The following NKD2 variants were observed in gnomAD, a reference collection of about 807,000 sequenced individuals.
NKD2 encodes protein naked cuticle homolog 2.
NKD2 carries 43 observed loss-of-function variants against 34.8 expected under a neutral mutation model. The observed-to-expected ratio is 1.24, with a 90% confidence interval of 0.97 to 1.60. NKD2 has a LOEUF of 1.60. NKD2 is among the 40% of genes most tolerant of loss of function. The pLI is 0.00. For missense variants in NKD2, 675 were observed against 627.1 expected, an observed-to-expected ratio of 1.08 and a Z score of -0.82; for synonymous variants, 278 against 265.1, an observed-to-expected ratio of 1.05 and a Z score of -0.47.
At chr5:1,036,967 G>A (rs985924163) in intron 9 of NKD2, 1 of 358,136 alleles carries the variant, frequency 2.8e-6, no homozygotes, top group East Asian at 1.2e-4. Flanking sequence ...ACGGCGGGCA[G>A]TGTGGACAGC....
At chr5:1,034,056 G>A in intron 5 of NKD2, 179 bp from the exon 6 acceptor site, 1 of 601,842 alleles carries the variant, frequency 1.7e-6, no homozygotes, top group South Asian at 2.0e-5. Context: ...CTGGAGCTGG[G>A]CAAGAAGGGG....
intron 3 of NKD2, among the ~76,000 whole-genome samples, chr5:1,017,251 C>T (rs1755996424): frequency 6.6e-6 from 1 of 152,158 alleles, no homozygotes; most frequent in Admixed American, 6.5e-5. Context: ...TCAGAGGGAC[C>T]CCATGTCCCT....
rs909178429 is a variant in NKD2 at position 1,008,859 on chromosome 5, C to T, written c.-199C>T. The T allele has an allele frequency of 1.3e-4, 44 of 345,066 alleles. No homozygotes were observed. Among genetic ancestry groups the T allele is most frequent in the Middle Eastern group, 7.6e-4 (1 of 1,316 alleles). The allele number at this position is 345,066 out of a possible 1,614,324, so 21.4% of individuals were successfully genotyped here. A position where few individuals can be genotyped will look rare whatever the true frequency, so the allele number is the denominator to read the frequency against. ...TGTCCCCGCGCCCTGCGCCCGGTGG[C>T]CCCCCACCTCCGCCCCGCGGCCGTA... is the stretch of plus-strand genomic sequence containing the variant. On this transcript the variant is annotated 5_prime_UTR_variant, in exon 1 of 10. Transcript: ENST00000296849.
At chr5:1,026,172 T>C (rs141883144) in intron 3 of NKD2, among the ~76,000 whole-genome samples, 3 of 18,828 alleles carry the variant, frequency 1.6e-4, no homozygotes, top group Admixed American at 7.0e-4. Context: ...GTCCCAGCCC[T>C]TTGTCCCTGC....
chr5:1,032,820 A>G (rs1376050669), intron 4 of NKD2, among the ~76,000 whole-genome samples: 1 of 152,208 alleles, frequency 6.6e-6, no homozygotes, highest in Non-Finnish European at 1.5e-5. Context: ...CTGAGCCCGG[A>G]CAGTCCCACA....
intron 3 of NKD2, among the ~76,000 whole-genome samples, chr5:1,025,741 G>T (rs1383166511): frequency 1.4e-3 from 63 of 45,508 alleles, no homozygotes; most frequent in Middle Eastern, 0.04. Context: ...CTTCCCACCC[G>T]CTGTGGGCGT....
chr5:1,030,458 C>T (rs1165478559), intron 3 of NKD2, among the ~76,000 whole-genome samples: 7 of 152,222 alleles, frequency 4.6e-5, no homozygotes, highest in African/African-American at 1.7e-4. Flanking sequence ...ATTCTGTGCC[C>T]ATGGGGGCTG....
At chr5:1,016,690 A>G (rs536788029) in intron 3 of NKD2, among the ~76,000 whole-genome samples, 1 of 152,334 alleles carries the variant, frequency 6.6e-6, no homozygotes, top group African/African-American at 2.4e-5. Flanking sequence ...AGGACCCTCC[A>G]GGGCTCCCAC....
chr5:1,016,157 G>A (rs1338045326), intron 3 of NKD2, among the ~76,000 whole-genome samples: 3 of 152,234 alleles, frequency 2.0e-5, no homozygotes, highest in African/African-American at 7.2e-5. Context: ...TGGCCTGGAG[G>A]GACACACGGT....
intron 3 of NKD2, among the ~76,000 whole-genome samples, chr5:1,012,652 G>A (rs927915952): frequency 1.3e-5 from 2 of 152,260 alleles, no homozygotes; most frequent in Non-Finnish European, 2.9e-5. Flanking sequence ...CCTTGCTCAC[G>A]GGAACTGGGC....
At chr5:1,037,722 C>T (rs962171087) in intron 9 of NKD2, 83 bp from the exon 10 acceptor site, 2 of 1,564,560 alleles carry the variant, frequency 1.3e-6, no homozygotes, top group Non-Finnish European at 1.7e-6. Context: ...CGCAGCTCTT[C>T]CAGTGGGCCC....
intron 3 of NKD2, among the ~76,000 whole-genome samples, chr5:1,021,746 T>C (rs1235955369): frequency 1.3e-5 from 2 of 152,026 alleles, no homozygotes; most frequent in Non-Finnish European, 2.9e-5. Context: ...CACCTCCTTG[T>C]AAGAAAACAC....
At chr5:1,036,496 CCCCCCAA>C in intron 9 of NKD2, 112 bp downstream of exon 9, 1 of 560,586 alleles carries the variant, frequency 1.8e-6, no homozygotes, top group South Asian at 2.1e-5. Context: ...TGCCCCGCCC[CCCCCCAA>C]CCCCCCCCAC....
intron 6 of NKD2, 27 bp downstream of exon 6, chr5:1,034,357 T>C (rs1448548300): frequency 6.4e-7 from 1 of 1,561,906 alleles, no homozygotes. Flanking sequence ...TTGCGTCAGG[T>C]CCACAGTAGT....
In NKD2 at chr5:1,008,962, G is replaced by A; in HGVS notation, c.-96G>A. ...TCACCTCCTACCGGCACCCTAGCTTGCTCCCGGCCCATGCGGCCCCCGCGG... is the reference window on the plus strand; with the variant it reads ...TCACCTCCTACCGGCACCCTAGCTTACTCCCGGCCCATGCGGCCCCCGCGG... On this transcript the variant is annotated 5_prime_UTR_variant, in exon 1 of 10. Coordinates refer to ENST00000296849, the MANE Select transcript of NKD2 (RefSeq NM_033120.4). The A allele has an allele frequency of 2.5e-6, 1 of 407,652 alleles. No individual in the cohort carries two copies. The highest frequency in any genetic ancestry group is 4.3e-6 in the Non-Finnish European group (1 of 232,870). 25.3% of individuals were successfully genotyped at this position (407,652 alleles called of 1,614,324 possible).
chr5:1,014,901 A>T (rs1221517596), intron 3 of NKD2, among the ~76,000 whole-genome samples: 1 of 152,152 alleles, frequency 6.6e-6, no homozygotes, highest in Admixed American at 6.5e-5. Context: ...CTGTCATCCC[A>T]TCGTTAGCAG....
chr5:1,015,056 G>A (rs1213637659), intron 3 of NKD2, among the ~76,000 whole-genome samples: 4 of 152,212 alleles, frequency 2.6e-5, no homozygotes, highest in East Asian at 3.9e-4. Flanking sequence ...ACAGCTCCAC[G>A]CTCCATAAGG....
Position 1,009,881 on chromosome 5 carries a change from C to T in NKD2, c.141+321C>T, listed in dbSNP as rs1317191543. Among the ~76,000 whole-genome samples, 4 of 152,038 alleles carry T rather than the reference C, an allele frequency of 2.6e-5. No homozygotes were observed. In the East Asian group the frequency reaches 5.8e-4, roughly 22 times the overall value. ...GCGAGTGGGAGGGGCTGGACCTAGA[C>T]GTCCCGGGCTGGGGGTCCCGGGGAG... On this transcript the variant is annotated intron_variant, in intron 3 of 9. Transcript: ENST00000296849. This position sits in a 1 kb window ranked among gnomAD's most constrained non-coding sequence, Gnocchi z 6.9.
intron 3 of NKD2, among the ~76,000 whole-genome samples, chr5:1,021,114 A>T (rs971076253): frequency 1.3e-5 from 2 of 152,184 alleles, no homozygotes; most frequent in African/African-American, 4.8e-5. Context: ...TTGTGAGGAC[A>T]TCTGAGTATT....
Sources: allele counts gnomAD v4.1 joint callset (sites outside exome capture counted in the v4.1 genomes callset), GRCh38; gene constraint gnomAD v4.1.1; non-coding constraint Gnocchi (gnomAD v3.1); transcripts MANE v1.5; gene names NCBI Gene and HGNC (gene_info 2026-07-23, HGNC 2026-07-21).